TFDP1: variants seen among roughly 807,000 people sequenced by gnomAD.
TFDP1 encodes the protein transcription factor Dp-1, also known as DRTF1-polypeptide 1.
In TFDP1, 6 loss-of-function variants were observed where a neutral mutation model predicts 48.0. The observed-to-expected ratio is 0.13, with a 90% confidence interval of 0.07 to 0.25. TFDP1 has a LOEUF of 0.25. Ranked by LOEUF, TFDP1 falls within the 10% of genes least tolerant of loss-of-function variation. The pLI, the probability that TFDP1 is intolerant of heterozygous loss-of-function variation, is 1.00. For missense variants in TFDP1, 335 were observed against 543.0 expected (o/e 0.62, Z 3.81); for synonymous variants, 201 against 211.6 (o/e 0.95, Z 0.44).
chr13:113,621,464 T>G (rs2048993098), intron 3 of TFDP1, among the ~76,000 whole-genome samples: 1 of 152,226 alleles, frequency 6.6e-6, no homozygotes, highest in African/African-American at 2.4e-5. Context: ...ATTCCAGATA[T>G]AGATCTTAGA....
chr13:113,589,395 C>G (rs373736430), intron 2 of TFDP1, among the ~76,000 whole-genome samples: 2 of 152,144 alleles, frequency 1.3e-5, no homozygotes, highest in African/African-American at 4.8e-5. Flanking sequence ...AGATTATGGG[C>G]TGCTCCTGGC....
intron 2 of TFDP1, 32 bp from the exon 3 acceptor site, chr13:113,610,964 C>T (rs563289399): frequency 6.2e-7 from 1 of 1,607,574 alleles, no homozygotes; most frequent in South Asian, 1.1e-5. Flanking sequence ...TTTTAGCTGT[C>T]ATATTTATTA....
At chr13:113,610,287 C>T (rs2048675523) in intron 2 of TFDP1, among the ~76,000 whole-genome samples, 1 of 152,046 alleles carries the variant, frequency 6.6e-6, no homozygotes, top group South Asian at 2.1e-4. Context: ...TGTGTGCTTG[C>T]TGTGTGGCTG....
intron 2 of TFDP1, among the ~76,000 whole-genome samples, chr13:113,596,723 G>A (rs1465278636): frequency 6.6e-6 from 1 of 152,184 alleles, no homozygotes; most frequent in Non-Finnish European, 1.5e-5. Flanking sequence ...GGAGTGGCCA[G>A]ACCAAATCCT....
chr13:113,637,784 C>G (rs1451980916), intron 10 of TFDP1, 34 bp from the exon 11 acceptor site: 1 of 1,614,250 alleles, frequency 6.2e-7, no homozygotes. Context: ...GTTTCTGTTT[C>G]ATGACCATTC....
At chr13:113,621,536 T>C (rs2048994853) in intron 3 of TFDP1, among the ~76,000 whole-genome samples, 1 of 152,246 alleles carries the variant, frequency 6.6e-6, no homozygotes. Flanking sequence ...ATTCCAATAT[T>C]ACAATAATCC....
chr13:113,604,843 C>T (rs569758159), intron 2 of TFDP1, among the ~76,000 whole-genome samples: 13 of 152,284 alleles, frequency 8.5e-5, no homozygotes, highest in Non-Finnish European at 1.8e-4. Flanking sequence ...TTGTCTCAGG[C>T]AGGAATGGAG....
chr13:113,610,477 C>T (rs1039888896), intron 2 of TFDP1, among the ~76,000 whole-genome samples: 7 of 149,844 alleles, frequency 4.7e-5, no homozygotes, highest in South Asian at 2.1e-4. Context: ...CGTGTGCCCC[C>T]GCTGTGTGGT....
chr13:113,640,511 T>C lies in TFDP1; in HGVS notation c.*244T>C. The C allele has an allele frequency of 2.0e-6, 1 of 503,406 alleles. No individual in the cohort carries two copies. The highest frequency in any genetic ancestry group is 3.1e-6 in the Non-Finnish European group (1 of 322,464). The allele number at this position is 503,406 out of a possible 1,614,324, so 31.2% of individuals were successfully genotyped here. On this transcript the variant is annotated 3_prime_UTR_variant, in exon 12 of 12. Coordinates refer to ENST00000375370, the MANE Select transcript of TFDP1 (RefSeq NM_007111.5). ...TTATTTACTTGTTAGGATTTTGTGT[T>C]TTCATTTGCTATTTTTCTTTAAGTG...
chr13:113,610,681 T>C (rs929958812), intron 2 of TFDP1, among the ~76,000 whole-genome samples: 4 of 152,268 alleles, frequency 2.6e-5, no homozygotes, highest in African/African-American at 9.6e-5. Flanking sequence ...TTAAATAGAA[T>C]GTGTTTAACA....
intron 4 of TFDP1, among the ~76,000 whole-genome samples, chr13:113,626,850 C>T (rs1263470876): frequency 6.6e-6 from 1 of 152,166 alleles, no homozygotes; most frequent in Non-Finnish European, 1.5e-5. Context: ...TTTATAGGTG[C>T]TGTGTGTCAT....
At position 113,620,553 on chromosome 13, in the gene TFDP1, A is replaced by G. The variant is rs373295220; in HGVS notation, c.80-2627A>G. Reference sequence around the variant, plus strand: ...GTTTACTCATCTGTATGTGAATCTGAAAAGTGTTTAATTGCGTACTTTAAA... The same window carrying G: ...GTTTACTCATCTGTATGTGAATCTGGAAAGTGTTTAATTGCGTACTTTAAA... On this transcript the variant is annotated intron_variant, in intron 3 of 11. Transcript: ENST00000375370. Among the ~76,000 whole-genome samples, 7 of 152,370 alleles carry G rather than the reference A, an allele frequency of 4.6e-5. No individual in the cohort carries two copies. The East Asian group carries it at 7.7e-4, about 17-fold the overall frequency.
At chr13:113,613,409 C>G (rs11841847) in intron 3 of TFDP1, among the ~76,000 whole-genome samples, 1 of 152,046 alleles carries the variant, frequency 6.6e-6, no homozygotes, top group Non-Finnish European at 1.5e-5. Flanking sequence ...TCCTTTTTTC[C>G]TCTTCTGTCC....
rs1317881824 is a variant in TFDP1, at chr13:113,640,223, G to A, written c.1189G>A (p.Asp397Asn). Reference sequence around the variant, plus strand: ...TCCGGTGTCCTACGTCGGGGAGGACGACGAGGAGGACGATGACTTCAACGA... The same window carrying A: ...TCCGGTGTCCTACGTCGGGGAGGACAACGAGGAGGACGATGACTTCAACGA... Reference protein sequence around the residue: ...ETPVSYVGEDDEEDDDFNEND... With the variant: ...ETPVSYVGEDNEEDDDFNEND... The change falls in exon 12 of 12, where the codon GAC becomes AAC. Residue 397 changes from aspartate to asparagine, a missense_variant. Transcript: ENST00000375370. 6 of 1,613,324 alleles carry A rather than the reference G, an allele frequency of 3.7e-6. No homozygotes were observed. The highest frequency in any genetic ancestry group is 1.7e-5 in the Admixed American group (1 of 59,922).
rs951686297 is a variant in TFDP1, at chr13:113,615,248, G to T, written c.79+4186G>T. Among the ~76,000 whole-genome samples the T allele has an allele frequency of 3.3e-5, 5 of 152,216 alleles. No homozygotes were observed. The East Asian group carries it at 5.8e-4, about 18-fold the overall frequency. On this transcript the variant is annotated intron_variant, in intron 3 of 11. Coordinates refer to ENST00000375370, the MANE Select transcript of TFDP1 (RefSeq NM_007111.5). ...GTGTGAACATTTGCACACACACTTTGTGTGTCTGGCAGTTCCACTTCCTCA... is the reference window on the plus strand; with the variant it reads ...GTGTGAACATTTGCACACACACTTTTTGTGTCTGGCAGTTCCACTTCCTCA...
chr13:113,600,261 C>G (rs1439900375), intron 2 of TFDP1, among the ~76,000 whole-genome samples: 2 of 143,174 alleles, frequency 1.4e-5, no homozygotes, highest in Non-Finnish European at 3.0e-5. Context: ...AACCCTCACA[C>G]ATAGGGCTCC....
At chr13:113,608,894 C>A (rs1397660217) in intron 2 of TFDP1, among the ~76,000 whole-genome samples, 1 of 152,228 alleles carries the variant, frequency 6.6e-6, no homozygotes, top group Non-Finnish European at 1.5e-5. Flanking sequence ...TACCCTCCTG[C>A]CCTTTCTCTC....
chr13:113,620,245 C>T (rs1005265060), intron 3 of TFDP1, among the ~76,000 whole-genome samples: 1 of 152,228 alleles, frequency 6.6e-6, no homozygotes, highest in African/African-American at 2.4e-5. Context: ...ACCTGAATCC[C>T]TGAGTCCTAC....
At chr13:113,587,743 C>T (rs1438209298) in intron 2 of TFDP1, among the ~76,000 whole-genome samples, 3 of 152,112 alleles carry the variant, frequency 2.0e-5, no homozygotes, top group Admixed American at 6.6e-5. Context: ...GCCTTACAGG[C>T]GTGAGCCACC....
Sources: allele counts gnomAD v4.1 joint callset (sites outside exome capture counted in the v4.1 genomes callset), GRCh38; gene constraint gnomAD v4.1.1; transcripts MANE v1.5; gene names NCBI Gene and HGNC (gene_info 2026-07-23, HGNC 2026-07-21).